The following LRRC74A variants were observed in gnomAD, a reference collection of about 807,000 sequenced individuals.
LRRC74A encodes leucine-rich repeat-containing protein 74A.
LRRC74A carries 44 observed loss-of-function variants against 57.9 expected under a neutral mutation model. That is an observed-to-expected ratio of 0.76 (90% CI 0.60 to 0.98). LRRC74A has a LOEUF of 0.98. LRRC74A is among the 50% of genes least tolerant of loss of function. LRRC74A has a pLI of 0.00. For synonymous variants in LRRC74A, 211 were observed against 219.4 expected, an observed-to-expected ratio of 0.96 and a Z score of 0.34; for missense variants, 572 against 574.0, an observed-to-expected ratio of 1.00 and a Z score of 0.04.
chr14:76,855,105 G>A (rs1897789008), intron 9 of LRRC74A, among the ~76,000 whole-genome samples: 1 of 152,208 alleles, frequency 6.6e-6, no homozygotes, highest in Non-Finnish European at 1.5e-5. Context: ...GTGAGGAAGG[G>A]GCTGCCATCT....
chr14:76,834,901 A>T (rs1189777947), intron 3 of LRRC74A, among the ~76,000 whole-genome samples: 1 of 152,204 alleles, frequency 6.6e-6, no homozygotes, highest in Non-Finnish European at 1.5e-5. Context: ...AGACCAGAAG[A>T]CATTTCAGGA....
At chr14:76,838,801 A>T (rs1286156663) in intron 5 of LRRC74A, among the ~76,000 whole-genome samples, 4 of 152,184 alleles carry the variant, frequency 2.6e-5, no homozygotes, top group Non-Finnish European at 5.9e-5. Flanking sequence ...CCATCTCACC[A>T]TGTTGTCCAG....
At chr14:76,834,199 G>A (rs2140261790) in intron 3 of LRRC74A, among the ~76,000 whole-genome samples, 1 of 152,338 alleles carries the variant, frequency 6.6e-6, no homozygotes, top group South Asian at 2.1e-4. Context: ...GGGATGGGAA[G>A]AAAGGAGCCG....
chr14:76,842,315 C>T lies in LRRC74A; in HGVS notation c.545-2108C>T, dbSNP rs547818177. 2.2e-4 allele frequency among the ~76,000 whole-genome samples: 34 copies of T among 152,042 alleles called. No individual in the cohort carries two copies. In the East Asian group the frequency reaches 6.0e-3, roughly 27 times the overall value. ...GCAAATAATGAAAGTTTTTTCTTTT[C>T]CAATATTTATATCTCCTAATTATTT... is the stretch of plus-strand genomic sequence containing the variant. On this transcript the variant is annotated intron_variant, in intron 5 of 13. Coordinates refer to ENST00000689127, the MANE Select transcript of LRRC74A (RefSeq NM_001385106.1).
At chr14:76,854,760 T>C (rs1897766199) in intron 9 of LRRC74A, among the ~76,000 whole-genome samples, 1 of 152,222 alleles carries the variant, frequency 6.6e-6, no homozygotes, top group Non-Finnish European at 1.5e-5. Flanking sequence ...ATTAATTTAC[T>C]AGTAGATGCT....
intron 2 of LRRC74A, among the ~76,000 whole-genome samples, chr14:76,830,404 T>C (rs1895887772): frequency 6.6e-6 from 1 of 152,240 alleles, no homozygotes; most frequent in African/African-American, 2.4e-5. Flanking sequence ...CCAGTGACCA[T>C]GGGCCAGGCT....
intron 11 of LRRC74A, among the ~76,000 whole-genome samples, chr14:76,864,742 T>C (rs1242354449): frequency 6.6e-6 from 1 of 152,040 alleles, no homozygotes; most frequent in Non-Finnish European, 1.5e-5. Context: ...TAATCCCAGC[T>C]ACCCGGGAGG....
At chr14:76,844,684 CA>C in intron 6 of LRRC74A, 135 bp from the exon 7 acceptor site, 1 of 690,854 alleles carries the variant, frequency 1.4e-6, no homozygotes, top group Non-Finnish European at 2.5e-6. Flanking sequence ...AACAGTCCAA[CA>C]AAAAATGCCT....
At chr14:76,837,723 G>A (rs140299017) in intron 4 of LRRC74A, among the ~76,000 whole-genome samples, 152 bp from the exon 5 acceptor site, 181 of 151,904 alleles carry the variant, frequency 1.2e-3, no homozygotes, top group Middle Eastern at 0.01. Flanking sequence ...CCTTCTCTTC[G>A]TCCTTGGCAC....
chr14:76,827,329 G>A (rs879296916), intron 1 of LRRC74A, among the ~76,000 whole-genome samples: 10 of 152,134 alleles, frequency 6.6e-5, no homozygotes, highest in Non-Finnish European at 1.2e-4. Flanking sequence ...GACCTGCATG[G>A]ACTCATTAGG....
chr14:76,850,132 T>C (rs8011723), intron 7 of LRRC74A, among the ~76,000 whole-genome samples: 147,903 of 152,248 alleles, frequency 0.97, 71,997 homozygotes, highest in East Asian at 1. Context: ...GGCGTGAACC[T>C]GGAAGGTGGA....
At chr14:76,867,573 T>G (rs4899620) in intron 13 of LRRC74A, 135 bp downstream of exon 13, 22,235 of 587,844 alleles carry the variant, frequency 0.038, 1,760 homozygotes, top group African/African-American at 0.21. Flanking sequence ...GCATGCCAAG[T>G]CTGGGCCCCA....
intron 11 of LRRC74A, among the ~76,000 whole-genome samples, chr14:76,863,534 A>T (rs1898496314): frequency 6.6e-6 from 1 of 151,972 alleles, no homozygotes; most frequent in Non-Finnish European, 1.5e-5. Flanking sequence ...TCCTGGGGAA[A>T]CCCTTCTTGG....
At chr14:76,868,097 G>A (rs934861055) in intron 13 of LRRC74A, among the ~76,000 whole-genome samples, 15 of 152,174 alleles carry the variant, frequency 9.9e-5, no homozygotes, top group African/African-American at 2.2e-4. Flanking sequence ...GCAGCCTCAC[G>A]GTGCCCCATG....
At position 76,832,820 on chromosome 14, in the gene LRRC74A, T is replaced by C. The variant is rs571307690; in HGVS notation, c.339+1445T>C. Reference sequence around the variant, plus strand: ...AACTGAACATTTCACAATGCTGCAATGTTATCTGCAGAGCAGTGAAAAGGA... The same window carrying C: ...AACTGAACATTTCACAATGCTGCAACGTTATCTGCAGAGCAGTGAAAAGGA... On this transcript the variant is annotated intron_variant, in intron 3 of 13. Coordinates refer to ENST00000689127, the MANE Select transcript of LRRC74A (RefSeq NM_001385106.1). Among the ~76,000 whole-genome samples the C allele has an allele frequency of 3.3e-5, 5 of 152,172 alleles. No individual in the cohort carries two copies. The South Asian group carries it at 8.3e-4, about 25-fold the overall frequency.
chr14:76,844,953 A>G (rs12896621), intron 7 of LRRC74A, 52 bp downstream of exon 7: 859,517 of 931,570 alleles, frequency 0.92, 397,562 homozygotes, highest in Non-Finnish European at 0.94. Context: ...GGGAAGAATC[A>G]CTTGGCAGAG....
chr14:76,845,796 A>G (rs1241578469), intron 7 of LRRC74A, among the ~76,000 whole-genome samples: 2 of 152,254 alleles, frequency 1.3e-5, no homozygotes, highest in Non-Finnish European at 2.9e-5. Flanking sequence ...CGAGGTGGGC[A>G]GATCACGAGG....
At chr14:76,866,965 T>TA (rs1898875718) in intron 12 of LRRC74A, among the ~76,000 whole-genome samples, 1 of 2,170 alleles carries the variant, frequency 4.6e-4, no homozygotes, top group Non-Finnish European at 9.0e-4. Context: ...TGTGTGTGTG[T>TA]GTGTGTGTGT....
chr14:76,836,300 TA>T lies in LRRC74A; in HGVS notation c.434del (p.Tyr145SerfsTer5), dbSNP rs769166395. The T allele has an allele frequency of 2.3e-5, 37 of 1,609,078 alleles. No homozygotes were observed. In the East Asian group the frequency reaches 7.6e-4, roughly 33 times the overall value. On this transcript the variant is annotated frameshift_variant, in exon 4 of 14. Coordinates refer to ENST00000689127, the MANE Select transcript of LRRC74A (RefSeq NM_001385106.1). LOFTEE classifies it high-confidence loss of function. ...SLVEMLQENY[Y>X]LQEMNISNNH... ...GGTGGAGATGCTACAAGAGAACTAC[TA>T]CCTCCAGGAGATGGTACTGTGCCCC...
Sources: allele counts gnomAD v4.1 joint callset (sites outside exome capture counted in the v4.1 genomes callset), GRCh38; gene constraint gnomAD v4.1.1; transcripts MANE v1.5; gene names NCBI Gene and HGNC (gene_info 2026-07-23, HGNC 2026-07-21).